The following PCTP variants were observed in gnomAD, a reference collection of about 807,000 sequenced individuals.
The protein encoded by PCTP is START domain-containing protein 2.
In PCTP, 27 loss-of-function variants were observed where a neutral mutation model predicts 31.0. The observed-to-expected ratio is 0.87, with a 90% CI of 0.64 to 1.20. The LOEUF (loss-of-function observed/expected upper bound fraction) is 1.20. PCTP is among the 50% of genes most tolerant of loss of function. The pLI is 0.00. For synonymous variants in PCTP, 108 were observed against 101.2 expected (o/e 1.07, Z -0.40); for missense variants, 287 against 268.2 (o/e 1.07, Z -0.49).
chr17:55,759,998 G>GT (rs202160150), intron 1 of PCTP, among the ~76,000 whole-genome samples: 40 of 151,998 alleles, frequency 2.6e-4, no homozygotes, highest in South Asian at 2.3e-3. Flanking sequence ...TTGCACAGAT[G>GT]TTTTTTTTCA....
intron 3 of PCTP, among the ~76,000 whole-genome samples, chr17:55,772,340 C>T (rs930968999): frequency 6.6e-6 from 1 of 152,072 alleles, no homozygotes; most frequent in Admixed American, 6.5e-5. Context: ...GTAATCCCAA[C>T]ACTTTGGGAG....
At chr17:55,846,023 G>A (rs1007132374), downstream of PCTP, among the ~76,000 whole-genome samples, 19 of 151,922 alleles carry the variant, frequency 1.3e-4, no homozygotes, top group African/African-American at 4.4e-4. Flanking sequence ...GTTCCTCTCT[G>A]TAGGTTCAGG....
intron 3 of PCTP, among the ~76,000 whole-genome samples, chr17:55,794,958 A>G (rs1178861995): frequency 2.0e-5 from 3 of 151,956 alleles, no homozygotes; most frequent in Admixed American, 1.3e-4. Flanking sequence ...CCACACACAG[A>G]CCCCTTATTG....
chr17:55,775,430 A>G (rs914602487), intron 5 of PCTP: 4 of 1,231,840 alleles, frequency 3.2e-6, no homozygotes, highest in Admixed American at 4.2e-5. Flanking sequence ...ATTCCTTGGA[A>G]GAGTGAAAAA....
intron 5 of PCTP, chr17:55,775,706 T>A (rs1397723429): frequency 5.7e-6 from 7 of 1,217,710 alleles, no homozygotes; most frequent in Non-Finnish European, 7.1e-6. Flanking sequence ...CTTTCATTTC[T>A]TTGGAAGAAT....
At chr17:55,798,216 AAG>A (rs1451209674) in intron 3 of PCTP, among the ~76,000 whole-genome samples, 1 of 152,060 alleles carries the variant, frequency 6.6e-6, no homozygotes, top group African/African-American at 2.4e-5. Context: ...AAAAGGGTCT[AAG>A]AGATATATGG....
intron 5 of PCTP, among the ~76,000 whole-genome samples, chr17:55,830,227 G>C (rs996131422): frequency 1.3e-5 from 2 of 152,182 alleles, no homozygotes; most frequent in Non-Finnish European, 2.9e-5. Context: ...AGATTTGACT[G>C]TGCTGCGGGG....
intron 1 of PCTP, among the ~76,000 whole-genome samples, chr17:55,753,663 G>A (rs1372982269): frequency 6.6e-6 from 1 of 152,108 alleles, no homozygotes; most frequent in Non-Finnish European, 1.5e-5. Flanking sequence ...AACTAATTTG[G>A]TCTCAACTCA....
At chr17:55,835,714 A>AC (rs1485419348) in intron 5 of PCTP, among the ~76,000 whole-genome samples, 2 of 151,988 alleles carry the variant, frequency 1.3e-5, no homozygotes, top group East Asian at 3.9e-4. Context: ...ACTGTCCCAA[A>AC]CCCCCATCAG....
downstream of PCTP, among the ~76,000 whole-genome samples, chr17:55,844,660 G>C (rs1293585198): frequency 6.6e-6 from 1 of 152,024 alleles, no homozygotes; most frequent in African/African-American, 2.4e-5. Context: ...CACCGACATA[G>C]AATCTAATCC....
intron 3 of PCTP, among the ~76,000 whole-genome samples, chr17:55,800,928 C>T (rs1912354815): frequency 6.6e-6 from 1 of 152,068 alleles, no homozygotes; most frequent in Non-Finnish European, 1.5e-5. Flanking sequence ...ACTCCAGACC[C>T]TGTTTGCCTG....
At chr17:55,786,138 G>A (rs1024642542) in intron 2 of PCTP, among the ~76,000 whole-genome samples, 1 of 152,042 alleles carries the variant, frequency 6.6e-6, no homozygotes, top group African/African-American at 2.4e-5. Context: ...ACAAAAATTA[G>A]CTAGGCGTGG....
chr17:55,843,733 T>G (rs944213803), downstream of PCTP, among the ~76,000 whole-genome samples: 4 of 152,174 alleles, frequency 2.6e-5, no homozygotes, highest in Admixed American at 6.5e-5. Flanking sequence ...AGACTAAGAA[T>G]TTCTTGAGAG....
chr17:55,751,277 C>A lies in PCTP; in HGVS notation c.141+33C>A, dbSNP rs555811544. On this transcript the variant is annotated intron_variant, in intron 1 of 5. Coordinates refer to ENST00000268896, the MANE Select transcript of PCTP (RefSeq NM_021213.4). ...CCAACCCGCTGGAGGACCGCGGGGCCTAGAATGCGCCGGGGTCGACCTCCC... is the reference window on the plus strand; with the variant it reads ...CCAACCCGCTGGAGGACCGCGGGGCATAGAATGCGCCGGGGTCGACCTCCC... The A allele has an allele frequency of 4.6e-6, 7 of 1,525,376 alleles. 1 individual carries two copies. The South Asian group carries it at 6.1e-5, about 13-fold the overall frequency. The allele number at this position is 1,525,376 out of a possible 1,614,324, so 94.5% of individuals were successfully genotyped here.
chr17:55,805,880 A>ATATGTGTG (rs1773467697), intron 3 of PCTP, among the ~76,000 whole-genome samples: 2 of 106,918 alleles, frequency 1.9e-5, no homozygotes, highest in Non-Finnish European at 1.8e-5. Context: ...CTCTCTCTCA[A>ATATGTGTG]TCTGTATGTG....
At chr17:55,819,932 T>C (rs1227721091) in intron 3 of PCTP, among the ~76,000 whole-genome samples, 1 of 152,142 alleles carries the variant, frequency 6.6e-6, no homozygotes, top group African/African-American at 2.4e-5. Context: ...AGAATAATCT[T>C]TTTCAACAAA....
At chr17:55,753,745 A>G (rs1318176157) in intron 1 of PCTP, among the ~76,000 whole-genome samples, 4 of 152,220 alleles carry the variant, frequency 2.6e-5, no homozygotes, top group Non-Finnish European at 4.4e-5. Flanking sequence ...CCGCTGTGCC[A>G]TCTTCCCTGT....
At chr17:55,828,961 T>TA (rs1455667769) in intron 5 of PCTP, among the ~76,000 whole-genome samples, 1 of 152,060 alleles carries the variant, frequency 6.6e-6, no homozygotes, top group Admixed American at 6.5e-5. Flanking sequence ...CCCTACATGT[T>TA]AAAAACGGAA....
intron 2 of PCTP, among the ~76,000 whole-genome samples, chr17:55,767,758 C>T (rs1910756617): frequency 7.2e-6 from 1 of 139,318 alleles, no homozygotes; most frequent in South Asian, 2.3e-4. Flanking sequence ...AGCCGCTGCA[C>T]CCAGTGCTTT....
Sources: allele counts gnomAD v4.1 joint callset (sites outside exome capture counted in the v4.1 genomes callset), GRCh38; gene constraint gnomAD v4.1.1; transcripts MANE v1.5; gene names NCBI Gene and HGNC (gene_info 2026-07-23, HGNC 2026-07-21).